Variants in NIPAL3 observed in about 807,000 individuals in gnomAD.
NIPAL3 encodes NIPA like domain containing 3, also known as NIPA-like protein 3.
NIPAL3 carries 41 observed loss-of-function variants against 47.2 expected under a neutral mutation model. The observed-to-expected ratio is 0.87, with a 90% confidence interval of 0.68 to 1.13. The LOEUF is 1.13. Among genes scored for constraint, NIPAL3 ranks in the 50% most tolerant of loss-of-function variants. The pLI is 0.00. For missense variants in NIPAL3, 449 were observed against 530.1 expected (o/e 0.85, Z 1.50); for synonymous variants, 194 against 209.6 (o/e 0.93, Z 0.64).
Position 24,416,189 on chromosome 1 carries a change from A to G in NIPAL3, c.-258+285A>G, listed in dbSNP as rs1644019595. The G allele has an allele frequency of 2.0e-6, 2 of 985,518 alleles. No homozygotes were observed. Among genetic ancestry groups the G allele is most frequent in the Non-Finnish European group, 2.4e-6 (2 of 830,168 alleles). 61.0% of individuals were successfully genotyped at this position (985,518 alleles called of 1,614,324 possible). A position where few individuals can be genotyped will look rare whatever the true frequency, so the allele number is the denominator to read the frequency against. On this transcript the variant is annotated intron_variant, in intron 1 of 11. Transcript: ENST00000374399. This position sits in a 1 kb window ranked among gnomAD's most constrained non-coding sequence, Gnocchi z 4.8. ...GCCAGAATTTCTCCTCTTCGTGCCG[A>G]GCGGCTCGGGCTTCCTGGCGGCAGC...
Position 24,464,068 on chromosome 1 carries a change from C to G in NIPAL3, c.969C>G (p.Asn323Lys). ...TGGGCGTCTTCTTAATCACGCGTAA[C>G]AGGAAGAAGCCCATTCCATTTGAGC... ...AFLGVFLITR[N>K]RKKPIPFEPY... The change falls in exon 11 of 12, where the codon AAC (asparagine) becomes AAG (lysine). Residue 323 changes from asparagine to lysine, a missense_variant. By Grantham distance (94) the Asn-to-Lys change is moderately conservative. Coordinates refer to ENST00000374399, the MANE Select transcript of NIPAL3 (RefSeq NM_020448.5). 1 of 1,613,572 alleles carries G rather than the reference C, an allele frequency of 6.2e-7. No individual in the cohort carries two copies. The highest frequency in any genetic ancestry group is 8.5e-7 in the Non-Finnish European group (1 of 1,179,638).
intron 7 of NIPAL3, chr1:24,453,936 G>A (rs1204813931): frequency 2.3e-6 from 1 of 427,182 alleles, no homozygotes; most frequent in Non-Finnish European, 4.6e-6. Context: ...ACTAGATTTT[G>A]TCATCTATTT....
intron 2 of NIPAL3, among the ~76,000 whole-genome samples, chr1:24,422,732 G>A (rs1644389701): frequency 6.6e-6 from 1 of 152,214 alleles, no homozygotes; most frequent in Admixed American, 6.5e-5. Context: ...CGTCTTAGCA[G>A]CACTGATATT....
rs574379021 is a variant in NIPAL3 at position 24,464,180 on chromosome 1, G to C, written c.1021+60G>C. ...CCATATAGAATGACTGCTACTTCCT[G>C]TTTAAAAAGAGACAACCAACTGCTG... On this transcript the variant is annotated intron_variant, in intron 11 of 11. Coordinates refer to ENST00000374399, the MANE Select transcript of NIPAL3 (RefSeq NM_020448.5). 4.6e-5 allele frequency: 61 copies of C among 1,335,970 alleles called. No homozygotes were observed. The South Asian group carries it at 7.3e-4, about 16-fold the overall frequency. 82.8% of individuals were successfully genotyped at this position (1,335,970 alleles called of 1,614,324 possible). A position where few individuals can be genotyped will look rare whatever the true frequency, so the allele number is the denominator to read the frequency against.
intron 4 of NIPAL3, among the ~76,000 whole-genome samples, chr1:24,444,846 A>ACC (rs1190178009): frequency 6.6e-6 from 1 of 151,984 alleles, no homozygotes; most frequent in Non-Finnish European, 1.5e-5. Context: ...TGGGCCCTTT[A>ACC]CCTCTCTCAG....
chr1:24,458,125 T>G (rs1325137149), intron 8 of NIPAL3, among the ~76,000 whole-genome samples: 1 of 152,026 alleles, frequency 6.6e-6, no homozygotes, highest in Non-Finnish European at 1.5e-5. Flanking sequence ...GGACAGCCAG[T>G]GAAGAAACTA....
chr1:24,452,831 C>T (rs1646002765), intron 6 of NIPAL3, among the ~76,000 whole-genome samples: 1 of 150,582 alleles, frequency 6.6e-6, no homozygotes, highest in Non-Finnish European at 1.5e-5. Context: ...GGATTATAGG[C>T]AGATGCCACC....
At chr1:24,445,311 G>A in intron 5 of NIPAL3, 67 bp downstream of exon 5, 1 of 1,142,092 alleles carries the variant, frequency 8.8e-7, no homozygotes, top group Non-Finnish European at 1.3e-6. Flanking sequence ...TGTAAAACCA[G>A]TTCACTCTAA....
intron 3 of NIPAL3, among the ~76,000 whole-genome samples, 185 bp downstream of exon 3, chr1:24,440,425 G>A (rs535680235): frequency 2.0e-5 from 3 of 152,170 alleles, no homozygotes; most frequent in East Asian, 3.9e-4. Flanking sequence ...ACTCCATCCC[G>A]CCCTCGCCCT....
intron 11 of NIPAL3, 179 bp downstream of exon 11, chr1:24,464,299 G>C (rs578135742): frequency 2.3e-6 from 1 of 442,064 alleles, no homozygotes; most frequent in Non-Finnish European, 4.0e-6. Context: ...GAGGCACCTC[G>C]GTTGGTTTTG....
intron 11 of NIPAL3, among the ~76,000 whole-genome samples, chr1:24,467,145 G>A (rs1290255526): frequency 6.6e-6 from 1 of 152,140 alleles, no homozygotes; most frequent in African/African-American, 2.4e-5. Flanking sequence ...GGTATATAGG[G>A]AAGCCACACA....
In NIPAL3 at chr1:24,463,084, G is replaced by A. The variant is rs558312580; in HGVS notation, c.927-942G>A. ...CGTGCCTGTAATCCCAGGTACTGGG[G>A]GGCTGAGGCAGGAGGATCGCTTGAA... is the stretch of plus-strand genomic sequence containing the variant. On this transcript the variant is annotated intron_variant, in intron 10 of 11. Transcript: ENST00000374399. Among the ~76,000 whole-genome samples, 825 of 151,910 alleles carry A rather than the reference G, an allele frequency of 5.4e-3. 3 individuals are homozygous for A. The highest frequency in any genetic ancestry group is 9.5e-3 in the Non-Finnish European group (645 of 67,862).
At chr1:24,462,745 C>T (rs960276334) in intron 10 of NIPAL3, among the ~76,000 whole-genome samples, 5 of 151,788 alleles carry the variant, frequency 3.3e-5, no homozygotes, top group Admixed American at 6.6e-5. Context: ...CCAGCCTGGG[C>T]GACAGAGCAA....
chr1:24,460,446 A>C, intron 9 of NIPAL3, 35 bp from the exon 10 acceptor site: 1 of 1,557,124 alleles, frequency 6.4e-7, no homozygotes, highest in Non-Finnish European at 8.7e-7. Flanking sequence ...ATTTGAAAAC[A>C]GCTCAGCGGT....
chr1:24,432,178 G>A (rs1324879203), intron 2 of NIPAL3, among the ~76,000 whole-genome samples: 1 of 152,090 alleles, frequency 6.6e-6, no homozygotes, highest in African/African-American at 2.4e-5. Context: ...TGCCTAGGCT[G>A]GAGGGCAATG....
intron 2 of NIPAL3, among the ~76,000 whole-genome samples, chr1:24,423,011 C>T (rs1454376653): frequency 6.6e-6 from 1 of 152,218 alleles, no homozygotes; most frequent in Non-Finnish European, 1.5e-5. Context: ...ACCCAAAAGT[C>T]TCCTTGTGCC....
chr1:24,435,159 A>T (rs369601469), intron 2 of NIPAL3, among the ~76,000 whole-genome samples: 3 of 152,222 alleles, frequency 2.0e-5, no homozygotes, highest in South Asian at 4.1e-4. Flanking sequence ...ATGGAGAAAG[A>T]ATAGTCTTTT....
At chr1:24,415,697 G>A, upstream of NIPAL3, 1 of 259,746 alleles carries the variant, frequency 3.8e-6, no homozygotes, top group Non-Finnish European at 6.0e-6. Context: ...CGTCCTCGCA[G>A]CCACTTGCCT....
In NIPAL3 at chr1:24,445,776, G is replaced by A. The variant is rs530068695; in HGVS notation, c.394+532G>A. 1.4e-3 allele frequency among the ~76,000 whole-genome samples: 210 copies of A among 152,246 alleles called. 2 individuals are homozygous for A. The highest frequency in any genetic ancestry group is 4.7e-3 in the African/African-American group (197 of 41,536). On this transcript the variant is annotated intron_variant, in intron 5 of 11. Transcript: ENST00000374399. ...TGGGTTTACAGAGTGGAGACACTTA[G>A]CCAGAATTATTGCCTCACATAGTTT...
Sources: allele counts gnomAD v4.1 joint callset (sites outside exome capture counted in the v4.1 genomes callset), GRCh38; gene constraint gnomAD v4.1.1; non-coding constraint Gnocchi (gnomAD v3.1); transcripts MANE v1.5; gene names NCBI Gene and HGNC (gene_info 2026-07-23, HGNC 2026-07-21).